The following MUC17 variants were observed in gnomAD, a reference collection of about 807,000 sequenced individuals.
MUC17 encodes mucin 17, cell surface associated.
In MUC17, 190 loss-of-function variants were observed where a neutral mutation model predicts 170.3. That is an observed-to-expected ratio of 1.12 (90% CI 0.99 to 1.26). The LOEUF (loss-of-function observed/expected upper bound fraction) is 1.26, where lower values mean the gene tolerates loss of function less well. Among genes scored for constraint, MUC17 ranks in the 50% most tolerant of loss-of-function variants. The probability of loss-of-function intolerance (pLI) is 0.00; values close to 1 mark genes in which losing one functional copy is unlikely to be tolerated. For missense variants in MUC17, 6,415 were observed against 5,530.0 expected (o/e 1.16, Z -5.08); for synonymous variants, 2,325 against 2,002.5 (o/e 1.16, Z -4.30).
intron 3 of MUC17, among the ~76,000 whole-genome samples, chr7:101,045,973 T>C (rs557783165): frequency 3.3e-5 from 5 of 152,184 alleles, no homozygotes; most frequent in Admixed American, 6.5e-5. Flanking sequence ...TGTTGAGCAA[T>C]GGGTGAACGC....
rs762588419 is a variant in MUC17, at chr7:101,057,991, C to G, written c.13441-12C>G. On this transcript the variant is annotated splice_polypyrimidine_tract_variant and intron_variant, in intron 12 of 12. Coordinates refer to ENST00000306151, the MANE Select transcript of MUC17 (RefSeq NM_001040105.2). ...GGGCTGAGCCCTCACTTGGTTTTAT[C>G]TCTCTTTTCAGATCCGAATTCAGAG... 5.0e-6 allele frequency: 8 copies of G among 1,613,524 alleles called. No individual in the cohort carries two copies. Among genetic ancestry groups the G allele is most frequent in the Non-Finnish European group, 6.8e-6 (8 of 1,179,542 alleles).
In MUC17 at chr7:101,043,055, T is replaced by C; in HGVS notation, c.11639T>C (p.Leu3880Pro). ...SERSTPLTTL[L>P]VSTTLPTSFP... is the part of the protein sequence containing the mutation. ...AGAAGCACTCCATTAACAACTCTCCTTGTCAGCACCACACTTCCAACTAGC... is the reference window on the plus strand; with the variant it reads ...AGAAGCACTCCATTAACAACTCTCCCTGTCAGCACCACACTTCCAACTAGC... Residue 3880 changes from leucine to proline, a missense_variant, in exon 3 of 13, where the codon CTT becomes CCT. Transcript: ENST00000306151. 6.2e-7 allele frequency: 1 copy of C among 1,614,062 alleles called. No homozygotes were observed. The highest frequency in any genetic ancestry group is 8.5e-7 in the Non-Finnish European group (1 of 1,180,012).
In MUC17 at chr7:101,033,648, A is replaced by AG; in HGVS notation, c.2234dup (p.Ser746LysfsTer18). The AG allele has an allele frequency of 6.2e-7, 1 of 1,613,714 alleles. No homozygotes were observed. Among genetic ancestry groups the AG allele is most frequent in the Non-Finnish European group, 8.5e-7 (1 of 1,179,916 alleles). On this transcript the variant is annotated frameshift_variant, in exon 3 of 13. Coordinates refer to ENST00000306151, the MANE Select transcript of MUC17 (RefSeq NM_001040105.2). LOFTEE classifies it high-confidence loss of function. ...GTATGCCAACCTCAACTCCTAGTGAAGGAAGCACTCCATTAACAAGTATGC... is the reference window on the plus strand; with the variant it reads ...GTATGCCAACCTCAACTCCTAGTGAAGGGAAGCACTCCATTAACAAGTATGC...
At chr7:101,053,258 A>G in intron 10 of MUC17, 81 bp from the exon 11 acceptor site, 1 of 1,583,902 alleles carries the variant, frequency 6.3e-7, no homozygotes, top group Non-Finnish European at 8.7e-7. Flanking sequence ...GGGGCAGCTA[A>G]AAATGGGGAT....
At position 101,033,743 on chromosome 7, in the gene MUC17, C is replaced by T; in HGVS notation, c.2327C>T (p.Thr776Ile). Residue 776 changes from threonine to isoleucine, a missense_variant, in exon 3 of 13, where the codon ACA becomes ATA. Physicochemically the swap from Thr to Ile is moderately conservative, Grantham distance 89. Transcript: ENST00000306151. Reference protein sequence around the residue: ...TLSTTPLDTSTHITTSTEASC... With the variant: ...TLSTTPLDTSIHITTSTEASC... ...TCAACAACTCCTCTTGACACAAGCA[C>T]ACATATCACCACTTCTACTGAAGCC... 1.2e-6 allele frequency: 2 copies of T among 1,613,708 alleles called. No individual in the cohort carries two copies. Among genetic ancestry groups the T allele is most frequent in the Non-Finnish European group, 1.7e-6 (2 of 1,179,764 alleles).
Position 101,032,980 on chromosome 7 carries a change from C to A in MUC17, c.1564C>A (p.Pro522Thr), listed in dbSNP as rs747705890. The A allele has an allele frequency of 8.7e-6, 14 of 1,613,290 alleles. No homozygotes were observed. Among genetic ancestry groups the A allele is most frequent in the South Asian group, 1.1e-5 (1 of 91,044 alleles). The change falls in exon 3 of 13, where the codon CCG becomes ACG. Residue 522 changes from proline to threonine, a missense_variant. By Grantham distance (38) the Pro-to-Thr change is conservative. Coordinates refer to ENST00000306151, the MANE Select transcript of MUC17 (RefSeq NM_001040105.2). ...PLTSMSVSTM[P>T]VASSEASTLS... Reference sequence around the variant, plus strand: ...AACAAGTATGTCTGTCAGCACCATGCCGGTGGCCAGTTCTGAGGCTAGCAC... The same window carrying A: ...AACAAGTATGTCTGTCAGCACCATGACGGTGGCCAGTTCTGAGGCTAGCAC...
chr7:101,024,219 G>C (rs892639644), intron 1 of MUC17, among the ~76,000 whole-genome samples: 3 of 151,874 alleles, frequency 2.0e-5, no homozygotes, highest in African/African-American at 7.3e-5. Context: ...GGCCAACCTG[G>C]CAAAACCCCA....
intron 1 of MUC17, among the ~76,000 whole-genome samples, chr7:101,022,089 C>G (rs1208992557): frequency 6.6e-6 from 1 of 152,180 alleles, no homozygotes; most frequent in African/African-American, 2.4e-5. Context: ...TTTGCCCTCC[C>G]CCCATCCCTG....
chr7:101,038,210 A>T lies in MUC17; in HGVS notation c.6794A>T (p.Glu2265Val), dbSNP rs144607125. The part of the protein sequence containing the change: ...TEATSSPTTA[E>V]GTSIPTSTLS... The stretch of plus-strand genomic sequence containing the variant: ...GCCACTTCATCTCCTACAACTGCTG[A>T]AGGTACCAGCATACCAACTTCAACT... Residue 2265 changes from glutamate (E) to valine (V), a missense_variant, in exon 3 of 13, where the codon GAA becomes GTA. Transcript: ENST00000306151. The T allele has an allele frequency of 1.4e-5, 23 of 1,613,844 alleles. No individual in the cohort carries two copies. In the African/African-American group the frequency reaches 2.8e-4, roughly 20 times the overall value.
chr7:101,037,987 C>T lies in MUC17; in HGVS notation c.6571C>T (p.Pro2191Ser). 4 of 1,608,424 alleles carry T rather than the reference C, an allele frequency of 2.5e-6. No individual in the cohort carries two copies. Among genetic ancestry groups the T allele is most frequent in the South Asian group, 1.1e-5 (1 of 90,108 alleles). ...LSTTPVDTST[P>S]VTNSTEARSS... ...AACAACTCCTGTTGACACCAGCACA[C>T]CTGTGACCAATTCTACTGAAGCCCG... is the stretch of plus-strand genomic sequence containing the variant. Residue 2191 changes from proline (P) to serine (S), a missense_variant, in exon 3 of 13, where the codon CCT becomes TCT. Transcript: ENST00000306151.
At position 101,041,122 on chromosome 7, in the gene MUC17, A is replaced by T; in HGVS notation, c.9706A>T (p.Ser3236Cys). The T allele has an allele frequency of 6.2e-7, 1 of 1,613,844 alleles. No individual in the cohort carries two copies. Residue 3236 changes from serine to cysteine, a missense_variant, in exon 3 of 13, where the codon AGT becomes TGT. Ser to Cys is a moderately radical substitution (Grantham distance 112). Coordinates refer to ENST00000306151, the MANE Select transcript of MUC17 (RefSeq NM_001040105.2). The stretch of plus-strand genomic sequence containing the variant: ...ACCTGTCAGCAACACGCCGGTGGCC[A>T]GTTCTGAGGCTAGCATCCTTTCAAC... ...SVPVSNTPVA[S>C]SEASILSTTP...
rs780370790 is a variant in MUC17, at chr7:101,037,538, A to C, written c.6122A>C (p.Glu2041Ala). The C allele has an allele frequency of 6.2e-7, 1 of 1,614,018 alleles. No homozygotes were observed. The highest frequency in any genetic ancestry group is 1.1e-5 in the South Asian group (1 of 91,074). ...AGCATACAAACCTCAACTCCTAGTG[A>C]ACGGACCACTCCATTAGCAGGTATG... ...GTSIQTSTPS[E>A]RTTPLAGMPV... The change falls in exon 3 of 13, where the codon GAA becomes GCA. Residue 2041 changes from glutamate (E) to alanine (A), a missense_variant. Transcript: ENST00000306151.
chr7:101,057,832 A>G (rs1795074614), intron 12 of MUC17, among the ~76,000 whole-genome samples, 171 bp from the exon 13 acceptor site: 1 of 152,172 alleles, frequency 6.6e-6, no homozygotes, highest in African/African-American at 2.4e-5. Flanking sequence ...GTGAGCCGTG[A>G]TTGTGCCACT....
intron 1 of MUC17, among the ~76,000 whole-genome samples, chr7:101,026,445 AC>A (rs779726320): frequency 5.3e-5 from 8 of 152,216 alleles, no homozygotes; most frequent in Non-Finnish European, 8.8e-5. Flanking sequence ...AGCCACTAGC[AC>A]CCCACAGACT....
chr7:101,034,394 C>A lies in MUC17; in HGVS notation c.2978C>A (p.Thr993Lys). The A allele has an allele frequency of 3.7e-6, 6 of 1,607,836 alleles. No homozygotes were observed. Among genetic ancestry groups the A allele is most frequent in the Non-Finnish European group, 5.1e-6 (6 of 1,177,026 alleles). ...TTAACAAGCACACCTGTCAGCCACACGCTGGTGGCCAATTCTGAGGCTAGC... is the reference window on the plus strand; with the variant it reads ...TTAACAAGCACACCTGTCAGCCACAAGCTGGTGGCCAATTCTGAGGCTAGC... ...TPLTSTPVSH[T>K]LVANSEASTL... The change falls in exon 3 of 13, where the codon ACG (threonine) becomes AAG (lysine). Residue 993 changes from threonine (T) to lysine (K), a missense_variant. By Grantham distance (78) the Thr-to-Lys change is moderately conservative (BLOSUM62 -1). Coordinates refer to ENST00000306151, the MANE Select transcript of MUC17 (RefSeq NM_001040105.2).
chr7:101,044,083 A>T (rs1203240824), intron 3 of MUC17, among the ~76,000 whole-genome samples: 1 of 152,168 alleles, frequency 6.6e-6, no homozygotes, highest in Non-Finnish European at 1.5e-5. Flanking sequence ...GAGTGAGAAC[A>T]TTTGGTGTTT....
intron 11 of MUC17, among the ~76,000 whole-genome samples, chr7:101,055,001 G>T (rs1795021693): frequency 6.6e-6 from 1 of 151,832 alleles, no homozygotes; most frequent in Non-Finnish European, 1.5e-5. Flanking sequence ...CCAACCACCT[G>T]GGAGGCTGAG....
Position 101,040,254 on chromosome 7 carries a change from C to G in MUC17, c.8838C>G (p.Ser2946Arg). 1 of 1,610,898 alleles carries G rather than the reference C, an allele frequency of 6.2e-7. No homozygotes were observed. The highest frequency in any genetic ancestry group is 1.1e-5 in the South Asian group (1 of 90,678). ...STVPVAGSEASTLSTTPVDTR... is the reference protein window; with the variant it reads ...STVPVAGSEARTLSTTPVDTR... ...TGCCAGTGGCCGGTTCTGAGGCTAGCACCCTTTCAACAACTCCTGTTGACA... is the reference window on the plus strand; with the variant it reads ...TGCCAGTGGCCGGTTCTGAGGCTAGGACCCTTTCAACAACTCCTGTTGACA... The change falls in exon 3 of 13, where the codon AGC becomes AGG. Residue 2946 changes from serine to arginine, a missense_variant. Physicochemically the swap from Ser to Arg is moderately radical, Grantham distance 110. Transcript: ENST00000306151.
Position 101,032,632 on chromosome 7 carries a change from G to A in MUC17, c.1216G>A (p.Ala406Thr). The A allele has an allele frequency of 7.4e-6, 12 of 1,613,224 alleles. No homozygotes were observed. Among genetic ancestry groups the A allele is most frequent in the Non-Finnish European group, 1.0e-5 (12 of 1,179,538 alleles). Reference sequence around the variant, plus strand: ...TATGCCTGTCAGCACCATATTGGTGGCCAGTTCTGAGGCTAGCACCACTTC... The same window carrying A: ...TATGCCTGTCAGCACCATATTGGTGACCAGTTCTGAGGCTAGCACCACTTC... ...TNMPVSTILV[A>T]SSEASTTSTI... is the part of the protein sequence containing the mutation. Residue 406 changes from alanine (A) to threonine (T), a missense_variant, in exon 3 of 13, where the codon GCC becomes ACC. Ala to Thr is a moderately conservative substitution (Grantham distance 58). Coordinates refer to ENST00000306151, the MANE Select transcript of MUC17 (RefSeq NM_001040105.2).
Sources: allele counts gnomAD v4.1 joint callset (sites outside exome capture counted in the v4.1 genomes callset), GRCh38; gene constraint gnomAD v4.1.1; transcripts MANE v1.5; gene names NCBI Gene and HGNC (gene_info 2026-07-23, HGNC 2026-07-21).